The following SHANK2 variants were observed in gnomAD, a reference collection of about 807,000 sequenced individuals.
SHANK2 encodes the protein SH3 and multiple ankyrin repeat domains protein 2.
SHANK2 carries 43 observed loss-of-function variants against 133.7 expected under a neutral mutation model. The ratio of observed to expected loss-of-function variants is 0.32; its 90% CI spans 0.25 to 0.41. The LOEUF (loss-of-function observed/expected upper bound fraction) is 0.41, where lower values mean the gene tolerates loss of function less well. Among genes scored for constraint, SHANK2 ranks in the 10% least tolerant of loss-of-function variants. SHANK2 has a pLI of 1.00. For synonymous variants in SHANK2, 1,017 were observed against 952.8 expected, an observed-to-expected ratio of 1.07 and a Z score of -1.24; for missense variants, 1,994 against 2,235.8, an observed-to-expected ratio of 0.89 and a Z score of 2.18.
At chr11:71,153,336 C>G (rs1555108477) in intron 2 of SHANK2, among the ~76,000 whole-genome samples, 1 of 152,148 alleles carries the variant, frequency 6.6e-6, no homozygotes, top group Non-Finnish European at 1.5e-5. Flanking sequence ...CCATGAACTT[C>G]AATGACTCTT....
intron 15 of SHANK2, among the ~76,000 whole-genome samples, chr11:70,686,026 TG>T (rs1945140214): frequency 6.9e-6 from 1 of 144,024 alleles, no homozygotes; most frequent in Non-Finnish European, 1.5e-5. Flanking sequence ...TATCCAGCCA[TG>T]CCCCCACCCA....
At chr11:71,248,038 A>G (rs1555125270) in intron 1 of SHANK2, among the ~76,000 whole-genome samples, 1 of 152,170 alleles carries the variant, frequency 6.6e-6, no homozygotes, top group African/African-American at 2.4e-5. Flanking sequence ...CTGAAGGCCC[A>G]TCCCCGGCAT....
At chr11:70,709,754 T>C (rs1196286404) in intron 14 of SHANK2, among the ~76,000 whole-genome samples, 1 of 151,498 alleles carries the variant, frequency 6.6e-6, no homozygotes, top group African/African-American at 2.4e-5. Flanking sequence ...TATCATGAGA[T>C]TTGGGGTTGG....
At chr11:70,489,865 C>A in intron 23 of SHANK2, 2 of 299,600 alleles carry the variant, frequency 6.7e-6, no homozygotes, top group South Asian at 7.5e-5. Context: ...AGTACATCTG[C>A]TGAGCTCATA....
chr11:70,844,420 C>G (rs887147886), intron 11 of SHANK2, among the ~76,000 whole-genome samples: 1 of 152,126 alleles, frequency 6.6e-6, no homozygotes, highest in Non-Finnish European at 1.5e-5. Flanking sequence ...CCAGCATTCT[C>G]GACAAGGGGA....
intron 3 of SHANK2, among the ~76,000 whole-genome samples, chr11:71,137,299 TAAAAAAAAAAA>T (rs10534209): frequency 2.7e-5 from 3 of 112,776 alleles, no homozygotes; most frequent in Non-Finnish European, 5.2e-5. Context: ...AATCCTTACT[TAAAAAAAAAAA>T]AAAAAAAAAG....
intron 6 of SHANK2, among the ~76,000 whole-genome samples, chr11:71,098,472 T>G (rs76013139): frequency 0.011 from 1,673 of 152,204 alleles, 25 homozygotes; most frequent in African/African-American, 0.038. Flanking sequence ...TCCAGCAGGT[T>G]TTTTAGAAGA....
chr11:70,833,379 G>T (rs1948759300), intron 11 of SHANK2, among the ~76,000 whole-genome samples: 1 of 152,212 alleles, frequency 6.6e-6, no homozygotes, highest in Admixed American at 6.5e-5. Context: ...GCATCAACAA[G>T]CCAGGGTGGA....
chr11:70,656,006 C>T (rs1555011528), intron 17 of SHANK2, among the ~76,000 whole-genome samples: 1 of 152,170 alleles, frequency 6.6e-6, no homozygotes, highest in East Asian at 1.9e-4. Flanking sequence ...TACAGTGAGC[C>T]CTGCATGACA....
At chr11:71,168,108 C>T (rs1555111493) in intron 2 of SHANK2, among the ~76,000 whole-genome samples, 7 of 139,556 alleles carry the variant, frequency 5.0e-5, no homozygotes, top group Admixed American at 1.4e-4. Flanking sequence ...ACTTCTCAGA[C>T]GGGGCGGTTG....
chr11:70,559,445 T>C (rs2059878351), intron 17 of SHANK2, among the ~76,000 whole-genome samples: 1 of 152,220 alleles, frequency 6.6e-6, no homozygotes, highest in Non-Finnish European at 1.5e-5. Flanking sequence ...GTTAACAGTC[T>C]GTCTGCTCCT....
chr11:70,649,600 C>T (rs899877639), intron 17 of SHANK2, among the ~76,000 whole-genome samples: 1 of 152,144 alleles, frequency 6.6e-6, no homozygotes, highest in East Asian at 1.9e-4. Flanking sequence ...CTAACAAGAG[C>T]CTGCTGAGAA....
At chr11:71,220,104 T>C (rs754205933) in intron 2 of SHANK2, among the ~76,000 whole-genome samples, 2 of 151,774 alleles carry the variant, frequency 1.3e-5, no homozygotes, top group Admixed American at 6.6e-5. Flanking sequence ...TGATGGCACA[T>C]GCCTGTGGTC....
At chr11:71,229,148 C>G (rs1260719076) in intron 1 of SHANK2, among the ~76,000 whole-genome samples, 1 of 152,182 alleles carries the variant, frequency 6.6e-6, no homozygotes, top group Non-Finnish European at 1.5e-5. Context: ...AAACAAAATG[C>G]TTTCCCCATA....
intron 14 of SHANK2, among the ~76,000 whole-genome samples, chr11:70,767,115 G>C (rs1157837253): frequency 1.3e-5 from 2 of 152,138 alleles, no homozygotes; most frequent in Non-Finnish European, 2.9e-5. Context: ...GGACATGGGC[G>C]CTGGGCTTTT....
At chr11:71,126,610 C>T (rs1555102736) in intron 3 of SHANK2, among the ~76,000 whole-genome samples, 1 of 152,162 alleles carries the variant, frequency 6.6e-6, no homozygotes, top group Admixed American at 6.5e-5. Flanking sequence ...CAACTGAAAC[C>T]TTCTGGAAAG....
At chr11:71,239,108 C>T (rs1179320571) in intron 1 of SHANK2, among the ~76,000 whole-genome samples, 3 of 152,220 alleles carry the variant, frequency 2.0e-5, no homozygotes, top group Non-Finnish European at 4.4e-5. Context: ...CGGGAGGGGC[C>T]GCCAGGCAGG....
chr11:71,168,351 A>G (rs1354069254), intron 2 of SHANK2, among the ~76,000 whole-genome samples: 1 of 134,572 alleles, frequency 7.4e-6, no homozygotes, highest in Non-Finnish European at 1.6e-5. Flanking sequence ...CTGGGCAGCC[A>G]GGCAGAGGGG....
At chr11:71,210,872 G>A (rs1954261927) in intron 2 of SHANK2, among the ~76,000 whole-genome samples, 2 of 152,322 alleles carry the variant, frequency 1.3e-5, no homozygotes, top group Admixed American at 6.5e-5. Context: ...GGGCAGTGAA[G>A]AGAGTGTGAT....
Sources: allele counts gnomAD v4.1 joint callset (sites outside exome capture counted in the v4.1 genomes callset), GRCh38; gene constraint gnomAD v4.1.1; transcripts MANE v1.5; gene names NCBI Gene and HGNC (gene_info 2026-07-23, HGNC 2026-07-21).